Variants in C6orf141 observed in about 807,000 individuals in gnomAD.
C6orf141 encodes chromosome 6 open reading frame 141.
For missense variants in C6orf141, 361 were observed against 335.8 expected (o/e 1.07, Z -0.59); for synonymous variants, 164 against 140.5 (o/e 1.17, Z -1.18).
In C6orf141 at chr6:49,550,942, G is replaced by A. The variant is rs2127261217; in HGVS notation, c.150G>A (p.Ala50=). ...APLAPGARNP[A]TAGASRSQGG... ...TAGCTCCGGGCGCCCGGAATCCCGCGACGGCAGGGGCGAGCCGAAGCCAGG... is the reference window on the plus strand; with the variant it reads ...TAGCTCCGGGCGCCCGGAATCCCGCAACGGCAGGGGCGAGCCGAAGCCAGG... The change falls in exon 1 of 1, where the codon GCG becomes GCA. Residue 50 remains alanine (A), a synonymous_variant. Transcript: ENST00000529246. The A allele has an allele frequency of 6.5e-7, 1 of 1,543,646 alleles. No homozygotes were observed. The highest frequency in any genetic ancestry group is 1.2e-5 in the South Asian group (1 of 83,478).
rs1472792219 is a variant in C6orf141 at position 49,551,183 on chromosome 6, C to G, written c.391C>G (p.Pro131Ala). 5 of 1,551,486 alleles carry G rather than the reference C, an allele frequency of 3.2e-6. No individual in the cohort carries two copies. The highest frequency in any genetic ancestry group is 4.4e-6 in the Non-Finnish European group (5 of 1,146,950). The change falls in exon 1 of 1, where the codon CCT becomes GCT. Residue 131 changes from proline to alanine, a missense_variant. Coordinates refer to ENST00000529246, the MANE Select transcript of C6orf141 (RefSeq NM_001145652.2). ...GEDHGEEPNY[P>A]SVFQRQKRIS... Reference sequence around the variant, plus strand: ...GGACCACGGCGAGGAGCCCAACTACCCTTCTGTCTTTCAACGACAAAAGCG... The same window carrying G: ...GGACCACGGCGAGGAGCCCAACTACGCTTCTGTCTTTCAACGACAAAAGCG...
At chr6:49,561,749 A>G (rs1323398236) in exon 5 of C6orf141, 1 of 151,924 alleles carries the variant, frequency 6.6e-6, no homozygotes, top group Non-Finnish European at 1.5e-5. Flanking sequence ...TAGTGGCATC[A>G]TTGTAACTCA....
At chr6:49,557,907 T>A (rs1397950113) in intron 4 of C6orf141, among the ~76,000 whole-genome samples, 1 of 152,144 alleles carries the variant, frequency 6.6e-6, no homozygotes, top group Non-Finnish European at 1.5e-5. Flanking sequence ...GTTTGTTTGT[T>A]TTTTGAGACA....
chr6:49,551,629 C>G lies in C6orf141; in HGVS notation c.*102C>G, dbSNP rs1770630765. 2 of 1,499,068 alleles carry G rather than the reference C, an allele frequency of 1.3e-6. No individual in the cohort carries two copies. The highest frequency in any genetic ancestry group is 1.4e-5 in the African/African-American group (1 of 70,272). 92.9% of individuals were successfully genotyped at this position (1,499,068 alleles called of 1,614,324 possible). A position where few individuals can be genotyped will look rare whatever the true frequency, so the allele number is the denominator to read the frequency against. ...ACCTGCAATTAACCTACAGAAGGAA[C>G]CTTTTGAGAGGCTGGTGCAGCGCTT... On this transcript the variant is annotated 3_prime_UTR_variant, in exon 1 of 1. Transcript: ENST00000529246.
At chr6:49,555,572 A>G (rs1771739751), downstream of C6orf141, among the ~76,000 whole-genome samples, 3 of 137,254 alleles carry the variant, frequency 2.2e-5, no homozygotes, top group African/African-American at 5.4e-5. Context: ...GCAGTGGCGC[A>G]ATCTTCGCTC....
chr6:49,552,053 C>T lies in C6orf141; in HGVS notation c.*526C>T, dbSNP rs933813233. The T allele has an allele frequency of 3.4e-6, 2 of 591,714 alleles. No individual in the cohort carries two copies. The highest frequency in any genetic ancestry group is 4.4e-6 in the Non-Finnish European group (2 of 457,158). 36.7% of individuals were successfully genotyped at this position (591,714 alleles called of 1,614,324 possible). ...GTGCACTTTTCATTTTTCTCCCCCA[C>T]ATTTCAGTGTTAGAAAGAAAACGAG... is the stretch of plus-strand genomic sequence containing the variant. On this transcript the variant is annotated 3_prime_UTR_variant, in exon 1 of 1. Coordinates refer to ENST00000529246, the MANE Select transcript of C6orf141 (RefSeq NM_001145652.2).
At chr6:49,557,873 CT>C (rs1404954459) in intron 4 of C6orf141, among the ~76,000 whole-genome samples, 3 of 152,022 alleles carry the variant, frequency 2.0e-5, no homozygotes, top group Non-Finnish European at 4.4e-5. Context: ...TCTCTCTCCC[CT>C]AATGCAATAG....
downstream of C6orf141, among the ~76,000 whole-genome samples, chr6:49,554,508 G>A (rs1267886498): frequency 1.4e-4 from 22 of 151,818 alleles, no homozygotes; most frequent in Non-Finnish European, 1.5e-5. Flanking sequence ...AGCCTCCTGA[G>A]TAGCTGGGAC....
chr6:49,561,796 C>T (rs1481293695), exon 5 of C6orf141: 1 of 151,872 alleles, frequency 6.6e-6, no homozygotes, highest in Non-Finnish European at 1.5e-5. Context: ...GTGATCCTCC[C>T]ACCTCAGCCT....
At position 49,551,967 on chromosome 6, in the gene C6orf141, A is replaced by C; in HGVS notation, c.*440A>C. On this transcript the variant is annotated 3_prime_UTR_variant, in exon 1 of 1. Transcript: ENST00000529246. ...AGAAGAGGCTTGTTTTAAAAGCCAA[A>C]AACAGAAAGTAAAAAGAAATGGGAA... The C allele has an allele frequency of 9.9e-7, 1 of 1,009,612 alleles. No homozygotes were observed. The highest frequency in any genetic ancestry group is 1.7e-5 in the African/African-American group (1 of 57,460). 62.5% of individuals were successfully genotyped at this position (1,009,612 alleles called of 1,614,324 possible).
chr6:49,551,357 T>C lies in C6orf141; in HGVS notation c.565T>C (p.Phe189Leu). ...GRMTTRTEEHFVTALTFRSSR... is the reference protein window; with the variant it reads ...GRMTTRTEEHLVTALTFRSSR... ...CATGACCACGAGGACTGAGGAGCAC[T>C]TCGTGACCGCGCTCACTTTTCGCAG... The change falls in exon 1 of 1, where the codon TTC (phenylalanine) becomes CTC (leucine). Residue 189 changes from phenylalanine (F) to leucine (L), a missense_variant. Physicochemically the swap from Phe to Leu is conservative, Grantham distance 22 (BLOSUM62 0). Transcript: ENST00000529246. 1.3e-6 allele frequency: 2 copies of C among 1,551,654 alleles called. No homozygotes were observed. Among genetic ancestry groups the C allele is most frequent in the Non-Finnish European group, 1.7e-6 (2 of 1,146,972 alleles).
downstream of C6orf141, among the ~76,000 whole-genome samples, chr6:49,556,309 C>A (rs1210625423): frequency 5.3e-5 from 8 of 152,118 alleles, no homozygotes; most frequent in African/African-American, 1.9e-4. Context: ...TTAACAATGC[C>A]ATGAAGATAA....
chr6:49,558,503 C>T (rs1358968017), intron 4 of C6orf141, among the ~76,000 whole-genome samples: 6 of 151,770 alleles, frequency 4.0e-5, no homozygotes, highest in East Asian at 1.9e-4. Context: ...GTTTTGACTT[C>T]CCAGGTTGTG....
downstream of C6orf141, among the ~76,000 whole-genome samples, chr6:49,556,269 G>A (rs780366580): frequency 3.9e-5 from 6 of 152,086 alleles, no homozygotes; most frequent in Non-Finnish European, 7.4e-5. Context: ...AAACTGAAAA[G>A]TTTTTTTATT....
At chr6:49,558,272 A>C (rs1772456594) in intron 4 of C6orf141, among the ~76,000 whole-genome samples, 1 of 151,828 alleles carries the variant, frequency 6.6e-6, no homozygotes, top group African/African-American at 2.4e-5. Context: ...ACTCTTCAAC[A>C]ATAGTGGAAA....
At position 49,551,380 on chromosome 6, in the gene C6orf141, C is replaced by G. The variant is rs781202619; in HGVS notation, c.588C>G (p.Arg196=). ...ACTTCGTGACCGCGCTCACTTTTCG[C>G]AGCAGTAGAGAGGGACAGCCTGGGG... ...EEHFVTALTF[R]SSREGQPGER... Residue 196 remains arginine (R), a synonymous_variant, in exon 1 of 1, where the codon CGC becomes CGG. Transcript: ENST00000529246. 1.5e-5 allele frequency: 23 copies of G among 1,551,680 alleles called. No individual in the cohort carries two copies. The highest frequency in any genetic ancestry group is 4.9e-5 in the East Asian group (2 of 40,902).
chr6:49,551,822 T>C lies in C6orf141; in HGVS notation c.*295T>C. 7.9e-7 allele frequency: 1 copy of C among 1,260,574 alleles called. No homozygotes were observed. Among genetic ancestry groups the C allele is most frequent in the Non-Finnish European group, 1.0e-6 (1 of 990,466 alleles). The allele number at this position is 1,260,574 out of a possible 1,614,324, so 78.1% of individuals were successfully genotyped here. A position where few individuals can be genotyped will look rare whatever the true frequency, so the allele number is the denominator to read the frequency against. On this transcript the variant is annotated 3_prime_UTR_variant, in exon 1 of 1. Transcript: ENST00000529246. ...GAAAACCTGTTGTTAATTTGCATTT[T>C]GGAATAACTCTCAATTGATCTCTTT...
chr6:49,553,463 A>T (rs761244419), downstream of C6orf141, among the ~76,000 whole-genome samples: 15 of 152,002 alleles, frequency 9.9e-5, no homozygotes, highest in Non-Finnish European at 1.9e-4. Flanking sequence ...ACCCTCCCTG[A>T]CTCCAGTGGG....
downstream of C6orf141, among the ~76,000 whole-genome samples, chr6:49,553,773 T>A (rs1202236297): frequency 2.4e-5 from 1 of 42,452 alleles, no homozygotes; most frequent in Admixed American, 3.9e-4. Flanking sequence ...TAGTATCAAC[T>A]TCATAGAGGG....
Sources: allele counts gnomAD v4.1 joint callset (sites outside exome capture counted in the v4.1 genomes callset), GRCh38; gene constraint gnomAD v4.1.1; transcripts MANE v1.5; gene names NCBI Gene and HGNC (gene_info 2026-07-23, HGNC 2026-07-21).